Variants in SH3RF3 observed in about 807,000 individuals in gnomAD.
SH3RF3 encodes SH3 domain containing ring finger 3.
Under a neutral mutation model 66.3 loss-of-function variants are expected in SH3RF3, and 29 were observed. The observed-to-expected ratio is 0.44, with a 90% confidence interval of 0.33 to 0.60. The LOEUF is 0.60. SH3RF3 is among the 20% of genes least tolerant of loss of function. The pLI, the probability that SH3RF3 is intolerant of heterozygous loss-of-function variation, is 0.04. For synonymous variants in SH3RF3, 583 were observed against 532.0 expected, an observed-to-expected ratio of 1.10 and a Z score of -1.32; for missense variants, 1,194 against 1,190.9, an observed-to-expected ratio of 1.00 and a Z score of -0.04.
chr2:109,347,318 G>A (rs1682732887), intron 1 of SH3RF3, among the ~76,000 whole-genome samples: 1 of 152,166 alleles, frequency 6.6e-6, no homozygotes, highest in South Asian at 2.1e-4. Flanking sequence ...TGGGCCTTAG[G>A]AAAGTCACCT....
chr2:109,342,913 G>A (rs923015120), intron 1 of SH3RF3, among the ~76,000 whole-genome samples: 2 of 152,232 alleles, frequency 1.3e-5, no homozygotes, highest in Non-Finnish European at 2.9e-5. Flanking sequence ...TAATTGTCCT[G>A]TAGGCATCCC....
In SH3RF3 at chr2:109,350,121, T is replaced by G. The variant is rs537418087; in HGVS notation, c.849+2172T>G. ...CAGTGATGGAATTCCATGTTCCATA[T>G]TTCACAAGAAACAGTGAAATTAGAG... is the stretch of plus-strand genomic sequence containing the variant. On this transcript the variant is annotated intron_variant, in intron 2 of 9. Coordinates refer to ENST00000309415, the MANE Select transcript of SH3RF3 (RefSeq NM_001099289.3). Among the ~76,000 whole-genome samples, 315 of 152,320 alleles carry G rather than the reference T, an allele frequency of 2.1e-3. 1 individual carries two copies. The highest frequency in any genetic ancestry group is 5.0e-3 in the South Asian group (24 of 4,830).
chr2:109,399,578 T>C (rs915933538), intron 4 of SH3RF3, among the ~76,000 whole-genome samples: 1 of 152,070 alleles, frequency 6.6e-6, no homozygotes, highest in Non-Finnish European at 1.5e-5. Context: ...GAGTTCAAGA[T>C]CAGCTTGGGC....
At chr2:109,446,985 T>C (rs1278360110) in intron 7 of SH3RF3, among the ~76,000 whole-genome samples, 6 of 151,430 alleles carry the variant, frequency 4.0e-5, no homozygotes, top group Non-Finnish European at 7.4e-5. Context: ...GACGAATAAA[T>C]CTCGAGGAGC....
At chr2:109,405,495 T>C (rs1676430015) in intron 4 of SH3RF3, among the ~76,000 whole-genome samples, 1 of 152,120 alleles carries the variant, frequency 6.6e-6, no homozygotes, top group Admixed American at 6.5e-5. Flanking sequence ...ATCTTCTCCC[T>C]GCGCACCACG....
chr2:109,188,021 G>A (rs1299474936), intron 1 of SH3RF3, among the ~76,000 whole-genome samples: 1 of 152,228 alleles, frequency 6.6e-6, no homozygotes, highest in East Asian at 1.9e-4. Flanking sequence ...CATCTCACCT[G>A]CTTGGGTGGA....
chr2:109,195,461 ACC>A (rs1678473609), intron 1 of SH3RF3, among the ~76,000 whole-genome samples: 1 of 152,070 alleles, frequency 6.6e-6, no homozygotes, highest in Non-Finnish European at 1.5e-5. Flanking sequence ...GAGTGTCCCC[ACC>A]CCTTCTTGGC....
intron 1 of SH3RF3, among the ~76,000 whole-genome samples, chr2:109,238,149 A>G (rs967976734): frequency 2.0e-5 from 3 of 152,164 alleles, no homozygotes; most frequent in African/African-American, 7.2e-5. Flanking sequence ...GCAGTGAACC[A>G]TGATCATGCG....
At chr2:109,404,397 C>G (rs960058033) in intron 4 of SH3RF3, among the ~76,000 whole-genome samples, 1 of 152,196 alleles carries the variant, frequency 6.6e-6, no homozygotes, top group African/African-American at 2.4e-5. Context: ...AGCGCCTGGC[C>G]TCTGAGTAGC....
At chr2:109,144,797 C>A (rs1367212351) in intron 1 of SH3RF3, among the ~76,000 whole-genome samples, 1 of 152,234 alleles carries the variant, frequency 6.6e-6, no homozygotes, top group Admixed American at 6.5e-5. Context: ...GGAGCCTGAG[C>A]CACAGCAGAG....
chr2:109,273,542 T>G (rs10176487), intron 1 of SH3RF3, among the ~76,000 whole-genome samples: 6,125 of 152,228 alleles, frequency 0.04, 412 homozygotes, highest in African/African-American at 0.14. Flanking sequence ...GGGCACGTGT[T>G]TAGTGAATGC....
intron 8 of SH3RF3, among the ~76,000 whole-genome samples, chr2:109,459,390 C>T (rs556053812): frequency 1.3e-5 from 2 of 152,212 alleles, no homozygotes; most frequent in Admixed American, 6.5e-5. Flanking sequence ...GAAAGCGCCT[C>T]ATCTGGGCAT....
At chr2:109,445,479 GAA>G (rs1045358551) in intron 7 of SH3RF3, among the ~76,000 whole-genome samples, 2 of 152,056 alleles carry the variant, frequency 1.3e-5, no homozygotes, top group African/African-American at 4.8e-5. Context: ...AAAAATATAA[GAA>G]AGAGCCAGTG....
chr2:109,348,212 T>G (rs942655618), intron 2 of SH3RF3, among the ~76,000 whole-genome samples: 1 of 152,172 alleles, frequency 6.6e-6, no homozygotes, highest in Non-Finnish European at 1.5e-5. Flanking sequence ...TGAGATAATA[T>G]AAGCCTCCAT....
At chr2:109,367,470 C>T (rs993159913) in intron 2 of SH3RF3, among the ~76,000 whole-genome samples, 4 of 151,868 alleles carry the variant, frequency 2.6e-5, no homozygotes, top group South Asian at 2.1e-4. Flanking sequence ...TTAATAGAAA[C>T]GGGGTTTCAC....
At chr2:109,357,101 T>G (rs1373347888) in intron 2 of SH3RF3, among the ~76,000 whole-genome samples, 1 of 150,830 alleles carries the variant, frequency 6.6e-6, no homozygotes, top group Non-Finnish European at 1.5e-5. Context: ...ATTTAATACT[T>G]ATACATAACA....
At chr2:109,346,947 G>A (rs945061866) in intron 1 of SH3RF3, among the ~76,000 whole-genome samples, 2 of 152,116 alleles carry the variant, frequency 1.3e-5, no homozygotes, top group African/African-American at 4.8e-5. Flanking sequence ...TGATGGCCGG[G>A]GACTGCTTGT....
rs552510403 is a variant in SH3RF3, at chr2:109,408,798, A to G, written c.1299+9855A>G. Among the ~76,000 whole-genome samples the G allele has an allele frequency of 2.6e-5, 4 of 152,324 alleles. No homozygotes were observed. In the East Asian group the frequency reaches 5.8e-4, roughly 22 times the overall value. ...TGGATGCACAGTTGGATGTGGATGA[A>G]TATTGTGCCTTTTATGCAAAGCTGG... On this transcript the variant is annotated intron_variant, in intron 4 of 9. Transcript: ENST00000309415.
intron 1 of SH3RF3, among the ~76,000 whole-genome samples, chr2:109,284,545 C>G (rs2105350248): frequency 6.6e-6 from 1 of 152,304 alleles, no homozygotes; most frequent in South Asian, 2.1e-4. Context: ...GCAGGAAACC[C>G]TGTGTTTGAA....
Sources: allele counts gnomAD v4.1 joint callset (sites outside exome capture counted in the v4.1 genomes callset), GRCh38; gene constraint gnomAD v4.1.1; transcripts MANE v1.5; gene names NCBI Gene and HGNC (gene_info 2026-07-23, HGNC 2026-07-21).